Variants in PAX9 observed in about 807,000 individuals in gnomAD.
PAX9 encodes paired box 9.
Under a neutral mutation model 29.1 loss-of-function variants are expected in PAX9, and 6 were observed. That is an observed-to-expected ratio of 0.21 (90% CI 0.11 to 0.41). The LOEUF (loss-of-function observed/expected upper bound fraction) is 0.41. Among genes scored for constraint, PAX9 ranks in the 10% least tolerant of loss-of-function variants. The probability of loss-of-function intolerance (pLI) is 1.00; values close to 1 mark genes in which losing one functional copy is unlikely to be tolerated. For missense variants in PAX9, 443 were observed against 479.1 expected (o/e 0.92, Z 0.70); for synonymous variants, 217 against 211.7 (o/e 1.03, Z -0.22).
chr14:36,661,703 A>T (rs1370030790), upstream of PAX9: 6 of 336,514 alleles, frequency 1.8e-5, no homozygotes, highest in East Asian at 5.8e-5. Flanking sequence ...TTAGTCACCC[A>T]GGTGGGGAGC....
chr14:36,664,353 T>C (rs1472512596), intron 2 of PAX9, among the ~76,000 whole-genome samples: 1 of 144,066 alleles, frequency 6.9e-6, no homozygotes, highest in East Asian at 2.2e-4. Context: ...CCACTTTCCT[T>C]TGGGGTCCCC....
chr14:36,662,285 C>T (rs1881305666), intron 1 of PAX9, among the ~76,000 whole-genome samples, 192 bp downstream of exon 1: 1 of 152,124 alleles, frequency 6.6e-6, no homozygotes, highest in Non-Finnish European at 1.5e-5. Context: ...TCAATGTGAA[C>T]GCTGGCTACT....
intron 3 of PAX9, among the ~76,000 whole-genome samples, chr14:36,673,463 C>A (rs914644968): frequency 6.6e-6 from 1 of 151,882 alleles, no homozygotes; most frequent in Admixed American, 6.6e-5. Flanking sequence ...GTCCTGCCTG[C>A]CCCTAAATTC....
chr14:36,668,828 GATT>G (rs1363855079), intron 3 of PAX9, among the ~76,000 whole-genome samples: 13 of 151,854 alleles, frequency 8.6e-5, no homozygotes, highest in Non-Finnish European at 2.9e-5. Context: ...TTGATATTCT[GATT>G]ATTAAAAATA....
chr14:36,678,335 GCATTTATTTCTAA>G lies in PAX9; in HGVS notation c.*1884_*1896del, dbSNP rs1882006639. ...GATATCTTATAGAGAGCTTTGAACT[GCATTTATTTCTAA>G]AGCAACCGAAATTCAGTGCTACAAA... On this transcript the variant is annotated 3_prime_UTR_variant, in exon 4 of 4. Coordinates refer to ENST00000361487, the MANE Select transcript of PAX9 (RefSeq NM_001372076.1). 6 of 688,690 alleles carry G rather than the reference GCATTTATTTCTAA, an allele frequency of 8.7e-6. No homozygotes were observed. Among genetic ancestry groups the G allele is most frequent in the Non-Finnish European group, 1.5e-5 (6 of 403,404 alleles). 42.7% of individuals were successfully genotyped at this position (688,690 alleles called of 1,614,324 possible).
chr14:36,668,196 A>G (rs1208510320), intron 3 of PAX9, among the ~76,000 whole-genome samples: 1 of 152,188 alleles, frequency 6.6e-6, no homozygotes, highest in Non-Finnish European at 1.5e-5. Flanking sequence ...CAAACAATAG[A>G]AAGAGTGTAT....
chr14:36,665,154 G>T (rs1881440011), intron 2 of PAX9, among the ~76,000 whole-genome samples: 1 of 136,652 alleles, frequency 7.3e-6, no homozygotes, highest in African/African-American at 2.9e-5. Context: ...GGTGGTAGAG[G>T]AGGAGACATA....
intron 3 of PAX9, among the ~76,000 whole-genome samples, chr14:36,674,809 A>G (rs1356451207): frequency 6.6e-6 from 1 of 152,254 alleles, no homozygotes; most frequent in African/African-American, 2.4e-5. Flanking sequence ...CTTACAGAGC[A>G]TAGACACAAG....
Position 36,661,949 on chromosome 14 carries a change from C to A in PAX9, c.-141C>A. Reference sequence around the variant, plus strand: ...ACTTCCTTTTACTTCTTCCTTTTGCCCTCTCGCCTCCTCCTCCTGGGAAGA... The same window carrying A: ...ACTTCCTTTTACTTCTTCCTTTTGCACTCTCGCCTCCTCCTCCTGGGAAGA... On this transcript the variant is annotated 5_prime_UTR_variant, in exon 1 of 4. Coordinates refer to ENST00000361487, the MANE Select transcript of PAX9 (RefSeq NM_001372076.1). The A allele has an allele frequency of 1.0e-6, 1 of 963,608 alleles. No homozygotes were observed. The highest frequency in any genetic ancestry group is 1.6e-6 in the Non-Finnish European group (1 of 613,676). The allele number at this position is 963,608 out of a possible 1,614,324, so 59.7% of individuals were successfully genotyped here.
intron 2 of PAX9, 62 bp from the exon 3 acceptor site, chr14:36,666,400 G>A: frequency 1.9e-6 from 3 of 1,577,734 alleles, no homozygotes. Flanking sequence ...TTTGGGTCCC[G>A]TCTCAAGAGT....
chr14:36,662,345 A>G (rs1011181748), intron 1 of PAX9, among the ~76,000 whole-genome samples: 2 of 152,214 alleles, frequency 1.3e-5, no homozygotes, highest in African/African-American at 4.8e-5. Flanking sequence ...GAGCTGTGGC[A>G]TCAGCGAGCC....
intron 2 of PAX9, among the ~76,000 whole-genome samples, chr14:36,665,222 C>G (rs1312502934): frequency 6.7e-6 from 1 of 150,124 alleles, no homozygotes; most frequent in Non-Finnish European, 1.5e-5. Context: ...CTTTTCCTGC[C>G]TAGGGATCCT....
upstream of PAX9, among the ~76,000 whole-genome samples, chr14:36,661,224 C>T (rs1478607899): frequency 1.3e-5 from 2 of 152,250 alleles, no homozygotes; most frequent in East Asian, 1.9e-4. Context: ...TTGGCCGGTC[C>T]ACCTGGACTG....
At chr14:36,674,401 A>G (rs577904481) in intron 3 of PAX9, among the ~76,000 whole-genome samples, 1 of 152,348 alleles carries the variant, frequency 6.6e-6, no homozygotes, top group East Asian at 1.9e-4. Context: ...TTTTTAACAC[A>G]TGGCCACTGG....
chr14:36,657,602 C>A (rs1025381818), upstream of PAX9: 2 of 152,180 alleles, frequency 1.3e-5, no homozygotes, highest in African/African-American at 2.4e-5. Flanking sequence ...AAGCGGGCGA[C>A]GAGCGCTCGC....
At chr14:36,668,364 TC>T (rs1396278614) in intron 3 of PAX9, among the ~76,000 whole-genome samples, 1 of 101,838 alleles carries the variant, frequency 9.8e-6, no homozygotes, top group Non-Finnish European at 2.5e-5. Context: ...GCAGTCATAA[TC>T]CCAAAAAAAA....
At position 36,662,019 on chromosome 14, in the gene PAX9, A is replaced by T. The variant is rs545501764; in HGVS notation, c.-71A>T. 4 of 1,550,166 alleles carry T rather than the reference A, an allele frequency of 2.6e-6. No individual in the cohort carries two copies. The highest frequency in any genetic ancestry group is 4.9e-5 in the East Asian group (2 of 41,128). On this transcript the variant is annotated 5_prime_UTR_variant, in exon 1 of 4. Transcript: ENST00000361487. ...GGCCGGGATAGCAACAGGCCGGGCC[A>T]CTGAGGCGGTGCGGAAAGTTTCTGT...
rs1359095794 is a variant in PAX9, at chr14:36,676,559, G to T, written c.*107G>T. 5 of 1,305,890 alleles carry T rather than the reference G, an allele frequency of 3.8e-6. No individual in the cohort carries two copies. Among genetic ancestry groups the T allele is most frequent in the Non-Finnish European group, 5.4e-6 (5 of 931,886 alleles). 80.9% of individuals were successfully genotyped at this position (1,305,890 alleles called of 1,614,324 possible). On this transcript the variant is annotated 3_prime_UTR_variant, in exon 4 of 4. Transcript: ENST00000361487. ...ACCCCTCCTGCCCTCCAACCCTTCT[G>T]CCTTGAAAGCTGGCTGTACGGACTC...
Position 36,661,865 on chromosome 14 carries a change from A to C in PAX9, c.-225A>C, listed in dbSNP as rs1312976224. ...GGAGCCGCCCTGCCCTGCTCAGCCC[A>C]GCCCACGTTGCTGCTTAGATTGAAA... On this transcript the variant is annotated 5_prime_UTR_variant, in exon 1 of 4. Transcript: ENST00000361487. 6.3e-6 allele frequency: 4 copies of C among 631,038 alleles called. No individual in the cohort carries two copies. Among genetic ancestry groups the C allele is most frequent in the East Asian group, 2.8e-5 (1 of 35,946 alleles). 39.1% of individuals were successfully genotyped at this position (631,038 alleles called of 1,614,324 possible).
Sources: allele counts gnomAD v4.1 joint callset (sites outside exome capture counted in the v4.1 genomes callset), GRCh38; gene constraint gnomAD v4.1.1; transcripts MANE v1.5; gene names NCBI Gene and HGNC (gene_info 2026-07-23, HGNC 2026-07-21).